Variants in LRMDA observed in about 807,000 individuals in gnomAD.
The protein encoded by LRMDA is leucine rich melanocyte differentiation associated.
In LRMDA, 18 loss-of-function variants were observed where a neutral mutation model predicts 29.8. The observed-to-expected ratio is 0.60, with a 90% confidence interval of 0.42 to 0.90. The LOEUF (loss-of-function observed/expected upper bound fraction) is 0.90, where lower values mean the gene tolerates loss of function less well. Among genes scored for constraint, LRMDA ranks in the 40% least tolerant of loss-of-function variants. LRMDA has a pLI of 0.00. For synonymous variants in LRMDA, 125 were observed against 109.4 expected, an observed-to-expected ratio of 1.14 and a Z score of -0.89; for missense variants, 273 against 273.9, an observed-to-expected ratio of 1.00 and a Z score of 0.02.
chr10:75,916,449 C>T (rs1004069075), intron 2 of LRMDA, among the ~76,000 whole-genome samples: 1 of 152,068 alleles, frequency 6.6e-6, no homozygotes, highest in African/African-American at 2.4e-5. Context: ...TTCCCAGCGC[C>T]TCATTCCCCA....
intron 2 of LRMDA, among the ~76,000 whole-genome samples, chr10:75,906,006 T>A (rs2038657): frequency 1.3e-5 from 2 of 150,104 alleles, no homozygotes; most frequent in African/African-American, 2.5e-5. Flanking sequence ...TGCAGAAAGG[T>A]AGCATGGTGA....
At chr10:75,965,371 G>A (rs763471690) in intron 2 of LRMDA, among the ~76,000 whole-genome samples, 15 of 152,158 alleles carry the variant, frequency 9.9e-5, no homozygotes, top group Non-Finnish European at 1.6e-4. Flanking sequence ...AATAAGACAA[G>A]TAAAGAGTTT....
chr10:75,795,607 T>C (rs1001398504), intron 2 of LRMDA, among the ~76,000 whole-genome samples: 2 of 152,216 alleles, frequency 1.3e-5, no homozygotes, highest in African/African-American at 4.8e-5. Context: ...TCTACCTTTA[T>C]GCAATTACCA....
At chr10:75,939,723 AT>A (rs1040429599) in intron 2 of LRMDA, among the ~76,000 whole-genome samples, 1 of 152,168 alleles carries the variant, frequency 6.6e-6, no homozygotes, top group African/African-American at 2.4e-5. Context: ...CTCAGAGGTC[AT>A]TCCTCAGGCC....
chr10:76,541,855 C>T (rs115176821), intron 6 of LRMDA, among the ~76,000 whole-genome samples: 17 of 152,204 alleles, frequency 1.1e-4, no homozygotes, highest in African/African-American at 2.6e-4. Flanking sequence ...CCTGTCCTTA[C>T]GCCGCAAAAG....
At chr10:75,498,162 A>G (rs1471863989) in intron 2 of LRMDA, among the ~76,000 whole-genome samples, 1 of 151,898 alleles carries the variant, frequency 6.6e-6, no homozygotes, top group African/African-American at 2.4e-5. Context: ...CCAATATGAC[A>G]TTTTCCTTGG....
intron 2 of LRMDA, among the ~76,000 whole-genome samples, chr10:75,629,620 T>G (rs958834110): frequency 2.0e-5 from 3 of 152,208 alleles, no homozygotes; most frequent in African/African-American, 4.8e-5. Context: ...GTCCTCTTTT[T>G]TTTTTACTAG....
chr10:76,212,266 C>T (rs1389593268), intron 5 of LRMDA, among the ~76,000 whole-genome samples: 10 of 139,604 alleles, frequency 7.2e-5, no homozygotes, highest in African/African-American at 1.7e-4. Context: ...CACACACACA[C>T]ATAAAAAAAA....
At chr10:75,629,203 C>T (rs1841293192) in intron 2 of LRMDA, among the ~76,000 whole-genome samples, 1 of 152,188 alleles carries the variant, frequency 6.6e-6, no homozygotes, top group Admixed American at 6.5e-5. Context: ...GGGAGGTTGA[C>T]TTAGCATTCA....
intron 2 of LRMDA, among the ~76,000 whole-genome samples, chr10:75,695,990 G>A (rs1156776847): frequency 6.6e-6 from 1 of 152,014 alleles, no homozygotes; most frequent in Non-Finnish European, 1.5e-5. Context: ...CGGGTATATG[G>A]TACCTGCTGT....
chr10:76,363,682 T>C (rs1442597975), intron 6 of LRMDA, among the ~76,000 whole-genome samples: 1 of 152,114 alleles, frequency 6.6e-6, no homozygotes, highest in Admixed American at 6.5e-5. Flanking sequence ...CCTTTCTTTC[T>C]TTTTCCTTTC....
At chr10:76,211,308 G>C (rs1302027177) in intron 5 of LRMDA, among the ~76,000 whole-genome samples, 1 of 152,170 alleles carries the variant, frequency 6.6e-6, no homozygotes, top group Admixed American at 6.5e-5. Context: ...CACAGTGCCT[G>C]ACTCACATTC....
At position 75,708,675 on chromosome 10, in the gene LRMDA, C is replaced by T. The variant is rs578170833; in HGVS notation, c.131+270181C>T. Among the ~76,000 whole-genome samples, 6 of 152,118 alleles carry T rather than the reference C, an allele frequency of 3.9e-5. No individual in the cohort carries two copies. The East Asian group carries it at 1.2e-3, about 29-fold the overall frequency. ...TTGGCTCAATTAAAAAAAAATCCCACCTCAAAAATGTTATTTAGATGATCA... is the reference window on the plus strand; with the variant it reads ...TTGGCTCAATTAAAAAAAAATCCCATCTCAAAAATGTTATTTAGATGATCA... On this transcript the variant is annotated intron_variant, in intron 2 of 6. Transcript: ENST00000611255.
At chr10:75,878,501 T>A (rs1845238772) in intron 2 of LRMDA, among the ~76,000 whole-genome samples, 1 of 152,034 alleles carries the variant, frequency 6.6e-6, no homozygotes, top group African/African-American at 2.4e-5. Flanking sequence ...GGCCTTGTGG[T>A]GTCTGCTGGT....
rs1286794242 is a variant in LRMDA at position 76,557,199 on chromosome 10, T to G, written c.602-10T>G. 1 of 1,612,048 alleles carries G rather than the reference T, an allele frequency of 6.2e-7. No homozygotes were observed. The highest frequency in any genetic ancestry group is 8.5e-7 in the Non-Finnish European group (1 of 1,178,110). Reference sequence around the variant, plus strand: ...GCCACCTGTAATGATGTGTGTCTTTTTATTTGCAGGTGTCCTGGGGAAGTG... The same window carrying G: ...GCCACCTGTAATGATGTGTGTCTTTGTATTTGCAGGTGTCCTGGGGAAGTG... On this transcript the variant is annotated splice_polypyrimidine_tract_variant and intron_variant, in intron 6 of 6. Transcript: ENST00000611255.
At chr10:75,788,054 A>G (rs562863814) in intron 2 of LRMDA, among the ~76,000 whole-genome samples, 9 of 152,248 alleles carry the variant, frequency 5.9e-5, no homozygotes, top group African/African-American at 1.7e-4. Flanking sequence ...AACAAAAATT[A>G]GCTGGACGTG....
At chr10:75,484,023 A>G (rs1844882221) in intron 2 of LRMDA, among the ~76,000 whole-genome samples, 1 of 152,060 alleles carries the variant, frequency 6.6e-6, no homozygotes, top group African/African-American at 2.4e-5. Context: ...TGGCTTGACC[A>G]TGGCTCGCTG....
At chr10:76,350,008 A>G (rs562680725) in intron 6 of LRMDA, among the ~76,000 whole-genome samples, 28 of 152,246 alleles carry the variant, frequency 1.8e-4, no homozygotes, top group African/African-American at 6.3e-4. Flanking sequence ...AAATCAAAAG[A>G]AAAAGAAACC....
intron 6 of LRMDA, among the ~76,000 whole-genome samples, chr10:76,342,985 G>GT (rs1841059403): frequency 6.6e-6 from 1 of 151,424 alleles, no homozygotes; most frequent in Admixed American, 6.6e-5. Context: ...GGAGCAGGGA[G>GT]TAAAAAAAAC....
Sources: allele counts gnomAD v4.1 joint callset (sites outside exome capture counted in the v4.1 genomes callset), GRCh38; gene constraint gnomAD v4.1.1; transcripts MANE v1.5; gene names NCBI Gene and HGNC (gene_info 2026-07-23, HGNC 2026-07-21).